The following KDM4B variants were observed in gnomAD, a reference collection of about 807,000 sequenced individuals.
KDM4B encodes lysine-specific demethylase 4B.
In KDM4B, 32 loss-of-function variants were observed where a neutral mutation model predicts 125.2. That is an observed-to-expected ratio of 0.26 (90% CI 0.19 to 0.34). The LOEUF is 0.34. Among genes scored for constraint, KDM4B ranks in the 10% least tolerant of loss-of-function variants. KDM4B has a pLI of 1.00. For synonymous variants in KDM4B, 721 were observed against 677.9 expected, an observed-to-expected ratio of 1.06 and a Z score of -0.99; for missense variants, 1,190 against 1,577.7, an observed-to-expected ratio of 0.75 and a Z score of 4.16.
chr19:5,119,899 C>T (rs995630578), intron 11 of KDM4B, 47 bp downstream of exon 11: 62 of 1,537,300 alleles, frequency 4.0e-5, no homozygotes, highest in Admixed American at 8.0e-5. Flanking sequence ...TTCCCACCCC[C>T]GTGGGCATCT....
At chr19:5,104,448 G>A (rs2038997318) in intron 9 of KDM4B, among the ~76,000 whole-genome samples, 1 of 151,502 alleles carries the variant, frequency 6.6e-6, no homozygotes, top group Non-Finnish European at 1.5e-5. Context: ...GGTTTTTATG[G>A]CCACAATTGC....
chr19:5,060,751 G>A (rs1021896896), intron 6 of KDM4B, among the ~76,000 whole-genome samples: 10 of 152,172 alleles, frequency 6.6e-5, no homozygotes, highest in African/African-American at 2.2e-4. Flanking sequence ...CACTGTGTCC[G>A]AACCTGACAG....
chr19:5,055,940 G>A (rs562754776), intron 6 of KDM4B, among the ~76,000 whole-genome samples: 202 of 152,250 alleles, frequency 1.3e-3, no homozygotes, highest in Middle Eastern at 6.8e-3. Flanking sequence ...ACACTGATGC[G>A]TTATGAACTA....
chr19:5,137,447 T>G (rs1175075480), intron 16 of KDM4B, 109 bp downstream of exon 16: 1 of 1,246,120 alleles, frequency 8.0e-7, no homozygotes, highest in Non-Finnish European at 1.1e-6. Context: ...CCTGGGTTCC[T>G]TCACCTCTGC....
At position 5,153,388 on chromosome 19, in the gene KDM4B, G is replaced by C. The variant is rs2039980172; in HGVS notation, c.*1877G>C. The C allele has an allele frequency of 6.6e-6, 1 of 152,300 alleles. No individual in the cohort carries two copies. Among genetic ancestry groups the C allele is most frequent in the Admixed American group, 6.5e-5 (1 of 15,280 alleles). The allele number at this position is 152,300 out of a possible 1,614,324, so 9.4% of individuals were successfully genotyped here. A position where few individuals can be genotyped will look rare whatever the true frequency, so the allele number is the denominator to read the frequency against. On this transcript the variant is annotated 3_prime_UTR_variant, in exon 23 of 23. Transcript: ENST00000159111. ...CACACCCATCCCCTGGTGGGCTCCT[G>C]GGCGGCCTGCGCAGATGGGCCACAG...
Position 5,144,913 on chromosome 19 carries a change from G to C in KDM4B, c.3021+11G>C, listed in dbSNP as rs773295775. 2 of 1,612,994 alleles carry C rather than the reference G, an allele frequency of 1.2e-6. No individual in the cohort carries two copies. Among genetic ancestry groups the C allele is most frequent in the East Asian group, 4.5e-5 (2 of 44,802 alleles). On this transcript the variant is annotated intron_variant, in intron 21 of 22. Coordinates refer to ENST00000159111, the MANE Select transcript of KDM4B (RefSeq NM_015015.3). ...AGCCACATCTACCAGGTAAGCGGGG[G>C]ATCTGGCAGCCGCGCCATGCCTTCA...
At position 5,124,954 on chromosome 19, in the gene KDM4B, C is replaced by T. The variant is rs530979505; in HGVS notation, c.1315+5102C>T. 2.7e-3 allele frequency among the ~76,000 whole-genome samples: 411 copies of T among 151,640 alleles called. 1 individual carries two copies. Among genetic ancestry groups the T allele is most frequent in the Non-Finnish European group, 4.2e-3 (282 of 67,950 alleles). ...TTGCTGTGTCCCCCAGGTTGGAGGG[C>T]AGTGGTGCAGTCACGGCTCACTGCA... On this transcript the variant is annotated intron_variant, in intron 11 of 22. Coordinates refer to ENST00000159111, the MANE Select transcript of KDM4B (RefSeq NM_015015.3).
chr19:5,041,373 G>A (rs1394326630), intron 5 of KDM4B, 122 bp downstream of exon 5: 10 of 679,372 alleles, frequency 1.5e-5, no homozygotes, highest in Middle Eastern at 3.3e-4. Context: ...TAACCCCCTC[G>A]CCCAGGCTCT....
intron 6 of KDM4B, among the ~76,000 whole-genome samples, chr19:5,056,042 G>A (rs986228164): frequency 1.3e-5 from 2 of 152,152 alleles, no homozygotes; most frequent in Non-Finnish European, 2.9e-5. Flanking sequence ...TCCCGTCTCC[G>A]TAGGGCCCTG....
intron 1 of KDM4B, among the ~76,000 whole-genome samples, chr19:5,008,892 T>G (rs2035644267): frequency 6.9e-6 from 1 of 144,584 alleles, no homozygotes; most frequent in African/African-American, 2.6e-5. Context: ...TGAGTGACCA[T>G]GCCTGGCCCC....
intron 1 of KDM4B, among the ~76,000 whole-genome samples, chr19:4,984,241 G>C (rs1471949618): frequency 6.6e-6 from 1 of 152,188 alleles, no homozygotes; most frequent in Non-Finnish European, 1.5e-5. Context: ...GAGGTCACAG[G>C]AATGATTTTT....
At chr19:4,989,854 T>C (rs1421208844) in intron 1 of KDM4B, among the ~76,000 whole-genome samples, 1 of 152,220 alleles carries the variant, frequency 6.6e-6, no homozygotes, top group Non-Finnish European at 1.5e-5. Context: ...GGTTTCACCT[T>C]GTTCACCAGG....
In KDM4B at chr19:5,035,412, C is replaced by T. The variant is rs545215304; in HGVS notation, c.141+2381C>T. Among the ~76,000 whole-genome samples, 15 of 152,280 alleles carry T rather than the reference C, an allele frequency of 9.9e-5. No homozygotes were observed. The highest frequency in any genetic ancestry group is 2.1e-4 in the South Asian group (1 of 4,820). On this transcript the variant is annotated intron_variant, in intron 3 of 22. Coordinates refer to ENST00000159111, the MANE Select transcript of KDM4B (RefSeq NM_015015.3). The surrounding 1 kb of genome is among the most constrained non-coding windows in gnomAD (Gnocchi z 5.3). ...CCGAGGTGCCTTTAAATGCCCGCCC[C>T]GTCACTTCTTCCTCATCCCTCACCT...
intron 7 of KDM4B, among the ~76,000 whole-genome samples, chr19:5,071,831 C>G (rs949162409): frequency 1.3e-5 from 2 of 152,202 alleles, no homozygotes; most frequent in African/African-American, 4.8e-5. Context: ...CACCTCACTG[C>G]TCCTAAGTGC....
chr19:5,133,785 G>A (rs1041457238), intron 13 of KDM4B, 98 bp from the exon 14 acceptor site: 2 of 1,303,246 alleles, frequency 1.5e-6, no homozygotes, highest in East Asian at 2.4e-5. Flanking sequence ...AGCCAGGGCT[G>A]TAGACCCGGG....
chr19:5,132,089 G>A, intron 13 of KDM4B, 82 bp downstream of exon 13: 1 of 1,443,578 alleles, frequency 6.9e-7, no homozygotes, highest in East Asian at 2.5e-5. Context: ...TGGCTCCCCT[G>A]CGGCTTCCTT....
At chr19:5,130,366 C>T (rs910902392) in intron 11 of KDM4B, among the ~76,000 whole-genome samples, 2 of 151,986 alleles carry the variant, frequency 1.3e-5, no homozygotes, top group African/African-American at 2.4e-5. Context: ...ACTGCAAACC[C>T]GTCCTGGCCC....
chr19:5,017,477 G>A (rs938496585), intron 2 of KDM4B, among the ~76,000 whole-genome samples: 1 of 152,142 alleles, frequency 6.6e-6, no homozygotes, highest in Non-Finnish European at 1.5e-5. Context: ...TCCTGTTTGG[G>A]CCTGTGCAGA....
chr19:5,071,369 G>T (rs1001783094), intron 7 of KDM4B, among the ~76,000 whole-genome samples: 11 of 152,220 alleles, frequency 7.2e-5, no homozygotes, highest in Non-Finnish European at 1.3e-4. Context: ...GGCCCAGGGA[G>T]GGCAGCCTGT....
Sources: allele counts gnomAD v4.1 joint callset (sites outside exome capture counted in the v4.1 genomes callset), GRCh38; gene constraint gnomAD v4.1.1; non-coding constraint Gnocchi (gnomAD v3.1); transcripts MANE v1.5; gene names NCBI Gene and HGNC (gene_info 2026-07-23, HGNC 2026-07-21).